The following MAML3 variants were observed in gnomAD, a reference collection of about 807,000 sequenced individuals.
MAML3 encodes mastermind like transcriptional coactivator 3, also known as mastermind-like protein 3.
In MAML3, 27 loss-of-function variants were observed where a neutral mutation model predicts 101.9. The ratio of observed to expected loss-of-function variants is 0.27; its 90% CI spans 0.20 to 0.37. MAML3 has a LOEUF of 0.37. Ranked by LOEUF, MAML3 falls within the 10% of genes least tolerant of loss-of-function variation. The pLI is 1.00. For synonymous variants in MAML3, 501 were observed against 555.9 expected, an observed-to-expected ratio of 0.90 and a Z score of 1.39; for missense variants, 1,316 against 1,444.9, an observed-to-expected ratio of 0.91 and a Z score of 1.45.
chr4:140,029,608 A>T (rs1303047462), intron 1 of MAML3, among the ~76,000 whole-genome samples: 1 of 152,210 alleles, frequency 6.6e-6, no homozygotes, highest in South Asian at 2.1e-4. Context: ...ACAGAAAAAG[A>T]GGGCTTATTA....
chr4:140,092,437 G>C (rs1728075924), intron 1 of MAML3, among the ~76,000 whole-genome samples: 1 of 152,072 alleles, frequency 6.6e-6, no homozygotes, highest in African/African-American at 2.4e-5. Context: ...AGCCGGGTGA[G>C]GCATGTTAAC....
At position 140,153,112 on chromosome 4, in the gene MAML3, G is replaced by C. The variant is rs940248280; in HGVS notation, c.216C>G (p.Thr72=). The change falls in exon 1 of 5, where the codon ACC becomes ACG. Residue 72 remains threonine, a synonymous_variant. Transcript: ENST00000509479. ...TGCGCTGGCGGAGCCGCTCCACCAC[G>C]GTGCTGTGCTTGGGAACGGCCGCCG... The part of the protein sequence containing the change: ...GGSAAVPKHS[T]VVERLRQRIE... 1.3e-6 allele frequency: 2 copies of C among 1,551,320 alleles called. No homozygotes were observed. Among genetic ancestry groups the C allele is most frequent in the African/African-American group, 2.7e-5 (2 of 73,050 alleles).
At chr4:140,029,947 T>A (rs1019984821) in intron 1 of MAML3, among the ~76,000 whole-genome samples, 77 of 152,270 alleles carry the variant, frequency 5.1e-4, no homozygotes, top group African/African-American at 1.7e-3. Flanking sequence ...TTGGGTTTTT[T>A]CCCTCCTCTG....
rs529642573 is a variant in MAML3, at chr4:139,903,569, T to C, written c.469-12602A>G. Among the ~76,000 whole-genome samples, 7 of 152,316 alleles carry C rather than the reference T, an allele frequency of 4.6e-5. 1 individual carries two copies. The South Asian group carries it at 1.0e-3, about 23-fold the overall frequency. ...CTGAATTCTGTGTCCACTTCATACG[T>C]TGAAGTCCTAACTCCCAGTATCTCA... On this transcript the variant is annotated intron_variant, in intron 1 of 4. Transcript: ENST00000509479.
At chr4:139,952,485 G>A (rs1733848011) in intron 1 of MAML3, among the ~76,000 whole-genome samples, 1 of 152,106 alleles carries the variant, frequency 6.6e-6, no homozygotes, top group Non-Finnish European at 1.5e-5. Context: ...CACCTGGGGT[G>A]TAAAAATCCC....
At chr4:139,964,960 C>T (rs1734098292) in intron 1 of MAML3, among the ~76,000 whole-genome samples, 1 of 152,142 alleles carries the variant, frequency 6.6e-6, no homozygotes, top group African/African-American at 2.4e-5. Flanking sequence ...ACCAACTTGG[C>T]TTTACCGAAT....
chr4:139,866,734 G>A (rs941605972), intron 2 of MAML3, among the ~76,000 whole-genome samples: 4 of 152,182 alleles, frequency 2.6e-5, no homozygotes, highest in Non-Finnish European at 5.9e-5. Context: ...AAGCGAAGAC[G>A]AAGGGTGGGG....
intron 1 of MAML3, among the ~76,000 whole-genome samples, chr4:140,111,807 C>G (rs1728442833): frequency 6.6e-6 from 1 of 152,254 alleles, no homozygotes; most frequent in Admixed American, 6.5e-5. Context: ...GAAACCTCCT[C>G]TTAACCCAAA....
At chr4:140,089,494 T>C (rs1053948480) in intron 1 of MAML3, among the ~76,000 whole-genome samples, 1 of 152,222 alleles carries the variant, frequency 6.6e-6, no homozygotes, top group Non-Finnish European at 1.5e-5. Flanking sequence ...TTTCTTCACC[T>C]GGGAAATGAG....
chr4:139,842,474 C>G (rs1318386556), intron 2 of MAML3, among the ~76,000 whole-genome samples: 1 of 152,118 alleles, frequency 6.6e-6, no homozygotes, highest in Non-Finnish European at 1.5e-5. Flanking sequence ...TACTCATTAT[C>G]TAGTTTAATT....
intron 2 of MAML3, among the ~76,000 whole-genome samples, chr4:139,767,359 T>A (rs1437073151): frequency 2.0e-5 from 3 of 152,266 alleles, no homozygotes; most frequent in African/African-American, 7.2e-5. Flanking sequence ...GTCACAGATC[T>A]ATCATCCATG....
At chr4:140,051,690 C>T (rs1030059162) in intron 1 of MAML3, among the ~76,000 whole-genome samples, 1 of 151,974 alleles carries the variant, frequency 6.6e-6, no homozygotes, top group African/African-American at 2.4e-5. Flanking sequence ...TAAATATTAC[C>T]CTTCTTTCTG....
intron 1 of MAML3, among the ~76,000 whole-genome samples, chr4:139,913,031 C>T (rs1019311558): frequency 1.3e-5 from 2 of 152,240 alleles, no homozygotes; most frequent in African/African-American, 2.4e-5. Context: ...GTGCATCCCA[C>T]CTGTGAGCAA....
chr4:139,922,620 T>C (rs1360971478), intron 1 of MAML3, among the ~76,000 whole-genome samples: 1 of 152,240 alleles, frequency 6.6e-6, no homozygotes, highest in South Asian at 2.1e-4. Context: ...GTTCTGGATA[T>C]GAAAAGATAT....
At chr4:140,080,280 T>G (rs1248901178) in intron 1 of MAML3, among the ~76,000 whole-genome samples, 1 of 152,232 alleles carries the variant, frequency 6.6e-6, no homozygotes, top group Admixed American at 6.5e-5. Flanking sequence ...ATGTCTCTTC[T>G]TTAGGCTTTT....
chr4:139,739,593 C>A (rs1249342893), intron 2 of MAML3, among the ~76,000 whole-genome samples: 2 of 150,534 alleles, frequency 1.3e-5, no homozygotes, highest in Non-Finnish European at 1.5e-5. Flanking sequence ...ACTAGGCAGC[C>A]AATAAAAATC....
chr4:139,757,785 T>C (rs1169799745), intron 2 of MAML3, among the ~76,000 whole-genome samples: 1 of 152,144 alleles, frequency 6.6e-6, no homozygotes, highest in Non-Finnish European at 1.5e-5. Flanking sequence ...TTTGGCTGAA[T>C]GTGTCTTGCT....
At chr4:140,033,170 A>G (rs1232238911) in intron 1 of MAML3, among the ~76,000 whole-genome samples, 2 of 152,250 alleles carry the variant, frequency 1.3e-5, no homozygotes, top group East Asian at 1.9e-4. Flanking sequence ...TATTGAACAC[A>G]TCCTGTGAAC....
chr4:139,982,672 C>A (rs1400145807), intron 1 of MAML3, among the ~76,000 whole-genome samples: 1 of 152,158 alleles, frequency 6.6e-6, no homozygotes, highest in East Asian at 1.9e-4. Context: ...ACAAAAGTAT[C>A]TATAACATTG....
Sources: gnomAD v4.1 joint callset for allele counts (sites outside exome capture counted in the v4.1 genomes callset) on GRCh38, gnomAD v4.1.1 for gene constraint, MANE v1.5 for transcripts, NCBI Gene and HGNC (gene_info 2026-07-23, HGNC 2026-07-21) for gene names.